The following ADAMTSL4 variants were observed in gnomAD, a reference collection of about 807,000 sequenced individuals.
The protein encoded by ADAMTSL4 is ADAMTS like 4, also known as ADAMTS-like protein 4.
A neutral mutation model predicts 122.8 loss-of-function variants in ADAMTSL4; 97 were observed. That is an observed-to-expected ratio of 0.79 (90% CI 0.67 to 0.93). The LOEUF is 0.93. ADAMTSL4 is among the 40% of genes least tolerant of loss of function. The probability of loss-of-function intolerance (pLI) is 0.00; values close to 1 mark genes in which losing one functional copy is unlikely to be tolerated. For synonymous variants in ADAMTSL4, 592 were observed against 568.0 expected, an observed-to-expected ratio of 1.04 and a Z score of -0.60; for missense variants, 1,408 against 1,453.5, an observed-to-expected ratio of 0.97 and a Z score of 0.51.
At chr1:150,550,926 C>T (rs1234099693) in intron 2 of ADAMTSL4, 1 of 456,296 alleles carries the variant, frequency 2.2e-6, no homozygotes, top group African/African-American at 2.0e-5. Flanking sequence ...AGAGCTGGCC[C>T]ACCTCAGCAA....
At chr1:150,558,767 C>T (rs1345104425) in intron 15 of ADAMTSL4, 118 bp downstream of exon 15, 2 of 1,575,022 alleles carry the variant, frequency 1.3e-6, no homozygotes, top group South Asian at 1.1e-5. Flanking sequence ...ATATGCCTGA[C>T]CCTGGGAACT....
In ADAMTSL4 at chr1:150,560,146, T is replaced by A. The variant is rs1367300036; in HGVS notation, c.3175T>A (p.Cys1059Ser). 6.2e-7 allele frequency: 1 copy of A among 1,614,088 alleles called. No homozygotes were observed. The highest frequency in any genetic ancestry group is 8.5e-7 in the Non-Finnish European group (1 of 1,180,028). Reference protein sequence around the residue: ...CVYPYYTATCCRSCAHVLERS... With the variant: ...CVYPYYTATCSRSCAHVLERS... ...CTACCCCTACTACACAGCCACCTGT[T>A]GCCGCTCTTGCGCACATGTCCTGGA... The change falls in exon 19 of 19, where the codon TGC (cysteine) becomes AGC (serine). Residue 1059 changes from cysteine to serine, a missense_variant. Coordinates refer to ENST00000271643, the MANE Select transcript of ADAMTSL4 (RefSeq NM_019032.6).
chr1:150,550,554 G>A, intron 2 of ADAMTSL4: 1 of 372,340 alleles, frequency 2.7e-6, no homozygotes, highest in Non-Finnish European at 5.3e-6. Context: ...AGGGCATGAA[G>A]AGGGGTCGGC....
chr1:150,555,992 C>T (rs938254189), intron 8 of ADAMTSL4, 170 bp from the exon 9 acceptor site: 15 of 696,138 alleles, frequency 2.2e-5, no homozygotes, highest in East Asian at 5.4e-5. Context: ...AGGATCTGAT[C>T]GGGCACCTGT....
At position 150,560,446 on chromosome 1, in the gene ADAMTSL4, C is replaced by T; in HGVS notation, c.*250C>T. On this transcript the variant is annotated 3_prime_UTR_variant, in exon 19 of 19. Coordinates refer to ENST00000271643, the MANE Select transcript of ADAMTSL4 (RefSeq NM_019032.6). ...GGGACTGCATGGATATGTGTGTGCT[C>T]AAACGTGTATCACTTTTCAAAAAGA... 1 of 585,638 alleles carries T rather than the reference C, an allele frequency of 1.7e-6. No homozygotes were observed. The highest frequency in any genetic ancestry group is 3.0e-6 in the Non-Finnish European group (1 of 330,522). 36.3% of individuals were successfully genotyped at this position (585,638 alleles called of 1,614,324 possible).
Position 150,554,814 on chromosome 1 carries a change from C to T in ADAMTSL4, c.1234+347C>T. Reference sequence around the variant, plus strand: ...GGGGGTGTGCCACGCATCCTGGGCACTGTCGTATCGGTTGCTCCCAGGTTA... The same window carrying T: ...GGGGGTGTGCCACGCATCCTGGGCATTGTCGTATCGGTTGCTCCCAGGTTA... On this transcript the variant is annotated intron_variant, in intron 7 of 18. Transcript: ENST00000271643. This position sits in a 1 kb window ranked among gnomAD's most constrained non-coding sequence, Gnocchi z 4.0. 1.4e-6 allele frequency: 1 copy of T among 691,636 alleles called. No homozygotes were observed. The highest frequency in any genetic ancestry group is 2.4e-6 in the Non-Finnish European group (1 of 419,094). 42.8% of individuals were successfully genotyped at this position (691,636 alleles called of 1,614,324 possible).
rs774377736 is a variant in ADAMTSL4 at position 150,554,040 on chromosome 1, C to T, written c.1049C>T (p.Ser350Phe). 3.7e-6 allele frequency: 6 copies of T among 1,609,546 alleles called. No homozygotes were observed. The highest frequency in any genetic ancestry group is 5.1e-6 in the Non-Finnish European group (6 of 1,179,968). ...CTGAGCAACGGCCCCCATGCCAGCT[C>T]CCTCTGGAGCCTCTTTGCTCCCAGT... Reference protein sequence around the residue: ...PLLSNGPHASSLWSLFAPSSP... With the variant: ...PLLSNGPHASFLWSLFAPSSP... The change falls in exon 6 of 19, where the codon TCC (serine) becomes TTC (phenylalanine). Residue 350 changes from serine (S) to phenylalanine (F), a missense_variant. Physicochemically the swap from Ser to Phe is radical, Grantham distance 155. Transcript: ENST00000271643. The surrounding 1 kb of genome is among the most constrained non-coding windows in gnomAD (Gnocchi z 4.0).
Position 150,559,830 on chromosome 1 carries a change from A to G in ADAMTSL4, c.3013A>G (p.Ser1005Gly), listed in dbSNP as rs746196606. 2 of 1,613,896 alleles carry G rather than the reference A, an allele frequency of 1.2e-6. No homozygotes were observed. The highest frequency in any genetic ancestry group is 1.7e-5 in the Admixed American group (1 of 59,998). Residue 1005 changes from serine to glycine, a missense_variant, in exon 18 of 19, where the codon AGC (serine) becomes GGC (glycine). Physicochemically the swap from Ser to Gly is moderately conservative, Grantham distance 56. Coordinates refer to ENST00000271643, the MANE Select transcript of ADAMTSL4 (RefSeq NM_019032.6). The surrounding 1 kb of genome is among the most constrained non-coding windows in gnomAD (Gnocchi z 4.1). ...VQCLSTNQTL[S>G]TRCPPQLRPS... is the part of the protein sequence containing the mutation. ...GTGCCTGAGCACCAACCAGACCCTC[A>G]GCACCCGATGCCCTCCTCAACTGCG...
rs749752921 is a variant in ADAMTSL4 at position 150,559,740 on chromosome 1, T to G, written c.2944-21T>G. On this transcript the variant is annotated intron_variant, in intron 17 of 18. Transcript: ENST00000271643. The surrounding 1 kb of genome is among the most constrained non-coding windows in gnomAD (Gnocchi z 4.1). ...TCCCGGGCCTGGCAAAGGTCTGATA[T>G]GATGGCTGGGGTCGCCCCAGTGTTC... The G allele has an allele frequency of 6.8e-6, 11 of 1,613,690 alleles. No homozygotes were observed. In the East Asian group the frequency reaches 2.5e-4, roughly 36 times the overall value.
chr1:150,559,441 G>T lies in ADAMTSL4; in HGVS notation c.2918G>T (p.Arg973Leu). The T allele has an allele frequency of 3.7e-6, 6 of 1,613,466 alleles. No individual in the cohort carries two copies. The highest frequency in any genetic ancestry group is 5.1e-6 in the Non-Finnish European group (6 of 1,179,980). Residue 973 changes from arginine (R) to leucine (L), a missense_variant, in exon 17 of 19, where the codon CGA becomes CTA. Coordinates refer to ENST00000271643, the MANE Select transcript of ADAMTSL4 (RefSeq NM_019032.6). This position sits in a 1 kb window ranked among gnomAD's most constrained non-coding sequence, Gnocchi z 4.1. ...QPCQGQACQDRWFSTPWSPCS... is the reference protein window; with the variant it reads ...QPCQGQACQDLWFSTPWSPCS... ...TGTCAAGGGCAGGCCTGCCAGGACC[G>T]ATGGTTTTCCACGCCCTGGAGCCCA...
Position 150,552,968 on chromosome 1 carries a change from G to T in ADAMTSL4, c.149G>T (p.Trp50Leu). Residue 50 changes from tryptophan to leucine, a missense_variant, in exon 5 of 19, where the codon TGG becomes TTG. Physicochemically the swap from Trp to Leu is moderately conservative, Grantham distance 61. Transcript: ENST00000271643. This position sits in a 1 kb window ranked among gnomAD's most constrained non-coding sequence, Gnocchi z 4.0. ...GGCCCCGAAGGTGTCTGGGGACCTT[G>T]GGTCCAGTGGGCCTCTTGCTCCCAG... ...GQGPEGVWGP[W>L]VQWASCSQPC... The T allele has an allele frequency of 6.2e-7, 1 of 1,613,186 alleles. No homozygotes were observed. Among genetic ancestry groups the T allele is most frequent in the Non-Finnish European group, 8.5e-7 (1 of 1,179,976 alleles).
At chr1:150,558,858 C>A (rs1672492185) in intron 15 of ADAMTSL4, 104 bp from the exon 16 acceptor site, 1 of 1,538,182 alleles carries the variant, frequency 6.5e-7, no homozygotes, top group African/African-American at 1.4e-5. Context: ...ACATTCCCAA[C>A]CACCCAGGAT....
Position 150,557,014 on chromosome 1 carries a change from C to G in ADAMTSL4, c.1825C>G (p.Pro609Ala). 2 of 1,614,048 alleles carry G rather than the reference C, an allele frequency of 1.2e-6. No individual in the cohort carries two copies. The highest frequency in any genetic ancestry group is 1.7e-6 in the Non-Finnish European group (2 of 1,179,982). The change falls in exon 11 of 19, where the codon CCC (proline) becomes GCC (alanine). Residue 609 changes from proline (P) to alanine (A), a missense_variant. Coordinates refer to ENST00000271643, the MANE Select transcript of ADAMTSL4 (RefSeq NM_019032.6). The stretch of plus-strand genomic sequence containing the variant: ...TTCACCTCCTCCAATCCTTGAGAAC[C>G]CCACCCCAGAGCCCCCTGTCCCCCA... ...ISSPPPILEN[P>A]TPEPPVPQLQ... is the part of the protein sequence containing the mutation.
In ADAMTSL4 at chr1:150,553,037, T is replaced by C. The variant is rs939895316; in HGVS notation, c.218T>C (p.Leu73Pro). The C allele has an allele frequency of 6.2e-7, 1 of 1,613,042 alleles. No individual in the cohort carries two copies. The highest frequency in any genetic ancestry group is 1.3e-5 in the African/African-American group (1 of 74,844). The change falls in exon 5 of 19, where the codon CTC becomes CCC. Residue 73 changes from leucine to proline, a missense_variant. Leu to Pro is a moderately conservative substitution (Grantham distance 98). Transcript: ENST00000271643. ...CAGCGCAGGAGCCGGACATGTCAGCTCCCTACAGTGCAGCTCCACCCGAGT... is the reference window on the plus strand; with the variant it reads ...CAGCGCAGGAGCCGGACATGTCAGCCCCCTACAGTGCAGCTCCACCCGAGT... ...GVQRRSRTCQLPTVQLHPSLP... is the reference protein window; with the variant it reads ...GVQRRSRTCQPPTVQLHPSLP...
In ADAMTSL4 at chr1:150,559,967, G is replaced by A; in HGVS notation, c.3088+62G>A. On this transcript the variant is annotated intron_variant, in intron 18 of 18. Transcript: ENST00000271643. The surrounding 1 kb of genome is among the most constrained non-coding windows in gnomAD (Gnocchi z 4.1). ...GATTAGCTGAAGTATGGGAGGAGAT[G>A]AGAAAGGACCAGTGGGAATGGGCAG... 1.2e-6 allele frequency: 2 copies of A among 1,613,836 alleles called. No homozygotes were observed. The highest frequency in any genetic ancestry group is 2.2e-5 in the South Asian group (2 of 91,080).
Position 150,553,038 on chromosome 1 carries a change from C to A in ADAMTSL4, c.219C>A (p.Leu73=), listed in dbSNP as rs1212152911. The A allele has an allele frequency of 1.2e-6, 2 of 1,613,256 alleles. No individual in the cohort carries two copies. Among genetic ancestry groups the A allele is most frequent in the East Asian group, 4.5e-5 (2 of 44,870 alleles). The change falls in exon 5 of 19, where the codon CTC becomes CTA. Residue 73 remains leucine (L), a synonymous_variant. Transcript: ENST00000271643. The part of the protein sequence containing the change: ...GVQRRSRTCQ[L]PTVQLHPSLP... ...AGCGCAGGAGCCGGACATGTCAGCT[C>A]CCTACAGTGCAGCTCCACCCGAGTC...
At position 150,560,179 on chromosome 1, in the gene ADAMTSL4, C is replaced by G; in HGVS notation, c.3208C>G (p.Pro1070Ala). ...TTGCGCACATGTCCTGGAGCGGTCTCCCCAGGATCCCTCCTGAAAGGGGTC... is the reference window on the plus strand; with the variant it reads ...TTGCGCACATGTCCTGGAGCGGTCTGCCCAGGATCCCTCCTGAAAGGGGTC... ...RSCAHVLERS[P>A]QDPS The change falls in exon 19 of 19, where the codon CCC becomes GCC. Residue 1070 changes from proline to alanine, a missense_variant. Transcript: ENST00000271643. 1 of 1,614,044 alleles carries G rather than the reference C, an allele frequency of 6.2e-7. No homozygotes were observed. Among genetic ancestry groups the G allele is most frequent in the African/African-American group, 1.3e-5 (1 of 75,044 alleles).
rs753171524 is a variant in ADAMTSL4, at chr1:150,550,992, A to AT, written c.-85+1107dup. ...TGCCTTTCAGATCCAACAGAAACAGATTTTTTTTTTCCTGGAAAGCAGAAC... is the reference window on the plus strand; with the variant it reads ...TGCCTTTCAGATCCAACAGAAACAGATTTTTTTTTTTCCTGGAAAGCAGAAC... On this transcript the variant is annotated intron_variant, in intron 2 of 18. Transcript: ENST00000271643. The AT allele has an allele frequency of 2.2e-4, 99 of 448,288 alleles. 1 individual carries two copies. Among genetic ancestry groups the AT allele is most frequent in the South Asian group, 4.4e-4 (28 of 63,788 alleles). The allele number at this position is 448,288 out of a possible 1,614,324, so 27.8% of individuals were successfully genotyped here. A position where few individuals can be genotyped will look rare whatever the true frequency, so the allele number is the denominator to read the frequency against.
Position 150,559,072 on chromosome 1 carries a change from C to T in ADAMTSL4, c.2670C>T (p.Ser890=). The change falls in exon 16 of 19, where the codon AGC becomes AGT. Residue 890 remains serine, a synonymous_variant. Coordinates refer to ENST00000271643, the MANE Select transcript of ADAMTSL4 (RefSeq NM_019032.6). This position sits in a 1 kb window ranked among gnomAD's most constrained non-coding sequence, Gnocchi z 4.1. ...AAGCAGGAGCAGGAACTGGGCAGAG[C>T]TGTCCAACAGGAAGCCGGCCCCCTG... ...QGEAGAGTGQ[S]CPTGSRPPDM... is the part of the protein sequence containing the mutation. 3 of 1,612,710 alleles carry T rather than the reference C, an allele frequency of 1.9e-6. No individual in the cohort carries two copies. The highest frequency in any genetic ancestry group is 2.5e-6 in the Non-Finnish European group (3 of 1,179,950).
Sources: allele counts gnomAD v4.1 joint callset, GRCh38; gene constraint gnomAD v4.1.1; non-coding constraint Gnocchi (gnomAD v3.1); transcripts MANE v1.5; gene names NCBI Gene and HGNC (gene_info 2026-07-23, HGNC 2026-07-21).